Variants in CD96 observed in about 807,000 individuals in gnomAD.
The protein encoded by CD96 is CD96 molecule, also known as T-cell surface protein tactile.
Under a neutral mutation model 71.3 loss-of-function variants are expected in CD96, and 70 were observed. That is an observed-to-expected ratio of 0.98 (90% confidence interval 0.81 to 1.20). The LOEUF is 1.20. Among genes scored for constraint, CD96 ranks in the 50% most tolerant of loss-of-function variants. The pLI is 0.00. For synonymous variants in CD96, 248 were observed against 233.0 expected (o/e 1.06, Z -0.59); for missense variants, 742 against 677.5 (o/e 1.10, Z -1.06).
intron 2 of CD96, among the ~76,000 whole-genome samples, chr3:111,559,058 C>G (rs1276039893): frequency 2.6e-5 from 4 of 151,970 alleles, no homozygotes; most frequent in Admixed American, 6.5e-5. Flanking sequence ...GTGATATCCC[C>G]TTTATCATTT....
chr3:111,658,730 G>A (rs1447314516), intron 14 of CD96, among the ~76,000 whole-genome samples: 2 of 152,278 alleles, frequency 1.3e-5, no homozygotes, highest in Non-Finnish European at 1.5e-5. Flanking sequence ...TATCACCTAT[G>A]GAGTATTAGG....
intron 10 of CD96, among the ~76,000 whole-genome samples, chr3:111,624,976 A>G (rs1269617621): frequency 6.6e-6 from 1 of 152,240 alleles, no homozygotes; most frequent in Non-Finnish European, 1.5e-5. Flanking sequence ...GGTATTAGAC[A>G]ACGATCAGTG....
chr3:111,639,815 GACAACCTCCAGTA>G lies in CD96; in HGVS notation c.1477+1648_1477+1660del, dbSNP rs566474644. ...GGTTCATATCACAGGACTCTATGCAGACAACCTCCAGTACCAGCCTCCAGCCAGGCAGACTCAC... is the reference window on the plus strand; with the variant it reads ...GGTTCATATCACAGGACTCTATGCAGCCAGCCTCCAGCCAGGCAGACTCAC... On this transcript the variant is annotated intron_variant, in intron 12 of 13. Coordinates refer to ENST00000352690, the MANE Select transcript of CD96 (RefSeq NM_005816.5). 1.2e-4 allele frequency among the ~76,000 whole-genome samples: 18 copies of G among 152,290 alleles called. No individual in the cohort carries two copies. In the East Asian group the frequency reaches 3.3e-3, roughly 28 times the overall value.
chr3:111,607,843 T>G (rs1189954447), intron 8 of CD96, among the ~76,000 whole-genome samples: 1 of 152,240 alleles, frequency 6.6e-6, no homozygotes, highest in Non-Finnish European at 1.5e-5. Context: ...CTTCTTTTTT[T>G]GAAGCCTCTT....
chr3:111,608,620 G>T (rs1937747962), intron 8 of CD96, among the ~76,000 whole-genome samples: 1 of 152,166 alleles, frequency 6.6e-6, no homozygotes, highest in Non-Finnish European at 1.5e-5. Flanking sequence ...ACACCACAGT[G>T]TTATGACCAA....
chr3:111,552,637 G>A (rs62273546), intron 2 of CD96, among the ~76,000 whole-genome samples: 18,090 of 147,978 alleles, frequency 0.12, 1,185 homozygotes, highest in African/African-American at 0.13. Flanking sequence ...TAAATGAATG[G>A]GCCTGACTGT....
intron 9 of CD96, 146 bp from the exon 10 acceptor site, chr3:111,624,187 G>C: frequency 2.9e-6 from 2 of 695,754 alleles, no homozygotes; most frequent in Non-Finnish European, 5.2e-6. Context: ...TGCTTAATAT[G>C]CCAGCTAGTG....
intron 3 of CD96, among the ~76,000 whole-genome samples, chr3:111,571,802 G>A (rs545329490): frequency 5.3e-5 from 8 of 152,332 alleles, no homozygotes; most frequent in African/African-American, 1.7e-4. Flanking sequence ...ATTGATGGCT[G>A]TAGGATTCAG....
At chr3:111,585,918 G>T (rs1365240534) in intron 5 of CD96, among the ~76,000 whole-genome samples, 1 of 152,038 alleles carries the variant, frequency 6.6e-6, no homozygotes, top group Non-Finnish European at 1.5e-5. Context: ...ACTTCTTCTG[G>T]GTGGTAGTTA....
rs548304560 is a variant in CD96, at chr3:111,601,948, C to T, written c.1087+1034C>T. Reference sequence around the variant, plus strand: ...GATGCCGGGGCACTGGCATCGCTCCCGTAGCCTTGCCTGTGTGTCTGTGTA... The same window carrying T: ...GATGCCGGGGCACTGGCATCGCTCCTGTAGCCTTGCCTGTGTGTCTGTGTA... On this transcript the variant is annotated intron_variant, in intron 7 of 13. Coordinates refer to ENST00000352690, the MANE Select transcript of CD96 (RefSeq NM_005816.5). Among the ~76,000 whole-genome samples the T allele has an allele frequency of 3.9e-5, 6 of 152,314 alleles. No individual in the cohort carries two copies. The South Asian group carries it at 6.2e-4, about 16-fold the overall frequency.
intron 2 of CD96, among the ~76,000 whole-genome samples, chr3:111,562,600 C>A (rs564336860): frequency 6.6e-6 from 1 of 152,330 alleles, no homozygotes; most frequent in Admixed American, 6.5e-5. Flanking sequence ...ATTGGCAAAG[C>A]CACTTTATTG....
At chr3:111,584,651 C>A (rs1936621350) in intron 4 of CD96, among the ~76,000 whole-genome samples, 1 of 152,134 alleles carries the variant, frequency 6.6e-6, no homozygotes, top group Non-Finnish European at 1.5e-5. Context: ...AGGCGGGAAT[C>A]CCTGATAGAC....
chr3:111,659,052 C>G (rs542197552), intron 14 of CD96, among the ~76,000 whole-genome samples: 1 of 152,286 alleles, frequency 6.6e-6, no homozygotes, highest in South Asian at 2.1e-4. Context: ...GTTACTAATT[C>G]AATTTCAGAA....
At chr3:111,640,935 T>C (rs1022474432) in intron 12 of CD96, among the ~76,000 whole-genome samples, 6 of 152,186 alleles carry the variant, frequency 3.9e-5, no homozygotes, top group Admixed American at 1.3e-4. Flanking sequence ...CACAAACAAA[T>C]CCTGGGAGAA....
rs559074608 is a variant in CD96, at chr3:111,602,593, A to C, written c.1087+1679A>C. The stretch of plus-strand genomic sequence containing the variant: ...GTGACTGACTTAGAAGATGTAGTCA[A>C]GGCTCTATAAAGCAGTGTCATCACT... On this transcript the variant is annotated intron_variant, in intron 7 of 13. Coordinates refer to ENST00000352690, the MANE Select transcript of CD96 (RefSeq NM_005816.5). 2.0e-5 allele frequency among the ~76,000 whole-genome samples: 3 copies of C among 152,312 alleles called. No homozygotes were observed. The East Asian group carries it at 5.8e-4, about 29-fold the overall frequency.
intron 5 of CD96, among the ~76,000 whole-genome samples, chr3:111,590,576 T>C (rs1319997762): frequency 6.6e-6 from 1 of 152,240 alleles, no homozygotes; most frequent in Admixed American, 6.5e-5. Context: ...ATGCCGTAGA[T>C]GTCTAAAGAG....
intron 10 of CD96, among the ~76,000 whole-genome samples, chr3:111,636,912 A>G (rs963913269): frequency 6.6e-6 from 1 of 151,536 alleles, no homozygotes; most frequent in Non-Finnish European, 1.5e-5. Flanking sequence ...AGCATGACAC[A>G]CTCTGGCTAG....
At chr3:111,604,648 T>G (rs1019176938) in intron 7 of CD96, among the ~76,000 whole-genome samples, 1 of 152,218 alleles carries the variant, frequency 6.6e-6, no homozygotes, top group African/African-American at 2.4e-5. Context: ...TGATGAAATA[T>G]GGCAGAAAAG....
At chr3:111,555,838 T>G (rs1445123478) in intron 2 of CD96, among the ~76,000 whole-genome samples, 1 of 152,302 alleles carries the variant, frequency 6.6e-6, no homozygotes, top group Admixed American at 6.5e-5. Context: ...CCATTTTTTC[T>G]TCAAATATTT....
Sources: gnomAD v4.1 joint callset for allele counts (sites outside exome capture counted in the v4.1 genomes callset) on GRCh38, gnomAD v4.1.1 for gene constraint, MANE v1.5 for transcripts, NCBI Gene and HGNC (gene_info 2026-07-23, HGNC 2026-07-21) for gene names.